Variants in PHEX observed in about 807,000 individuals in gnomAD.
PHEX encodes phosphate-regulating neutral endopeptidase PHEX.
PHEX carries 16 observed loss-of-function variants against 68.0 expected under a neutral mutation model. That is an observed-to-expected ratio of 0.24 (90% CI 0.16 to 0.36). PHEX has a LOEUF of 0.36. Among genes scored for constraint, PHEX ranks in the 10% least tolerant of loss-of-function variants. PHEX has a pLI of 1.00. For missense variants in PHEX, 480 were observed against 575.5 expected (o/e 0.83, Z 1.70); for synonymous variants, 208 against 205.1 (o/e 1.01, Z -0.12).
chrX:22,240,456 A>G (rs1287096582), intron 20 of PHEX, among the ~76,000 whole-genome samples: 1 of 112,246 alleles, frequency 8.9e-6, no homozygotes, highest in African/African-American at 3.2e-5. Flanking sequence ...TTGGATAAAG[A>G]GTCAAGACCC....
At chrX:22,052,774 G>T (rs1381396008) in intron 3 of PHEX, among the ~76,000 whole-genome samples, 2 of 109,379 alleles carry the variant, frequency 1.8e-5, no homozygotes, top group African/African-American at 6.7e-5. Flanking sequence ...ACAGAGTGGT[G>T]TAATAGACCT....
chrX:22,197,650 A>G (rs1934409206), intron 15 of PHEX, among the ~76,000 whole-genome samples: 1 of 111,338 alleles, frequency 9.0e-6, no homozygotes, highest in Non-Finnish European at 1.9e-5. Context: ...GAACCACCCA[A>G]ATAAGCTGTT....
intron 10 of PHEX, among the ~76,000 whole-genome samples, chrX:22,112,777 C>T (rs1009279744): frequency 9.1e-6 from 1 of 110,164 alleles, no homozygotes; most frequent in African/African-American, 3.3e-5. Flanking sequence ...GTGTCACGCA[C>T]CTGTGGTCCC....
At chrX:22,230,457 C>T (rs977041024) in intron 20 of PHEX, among the ~76,000 whole-genome samples, 3 of 84,632 alleles carry the variant, frequency 3.5e-5, no homozygotes, top group African/African-American at 1.5e-4. Context: ...TTTCCTTGAG[C>T]AGTGGTTTGT....
intron 12 of PHEX, among the ~76,000 whole-genome samples, chrX:22,145,140 A>G (rs1044087683): frequency 3.6e-5 from 4 of 111,986 alleles, no homozygotes; most frequent in African/African-American, 1.3e-4. Context: ...CCGTGTGTTC[A>G]GGTGTTGTCA....
chrX:22,223,717 A>G (rs1302043594), intron 18 of PHEX, among the ~76,000 whole-genome samples: 1 of 112,550 alleles, frequency 8.9e-6, no homozygotes, highest in Non-Finnish European at 1.9e-5. Context: ...GTGTGGGTGA[A>G]AGAGAGAGAC....
At chrX:22,113,047 G>GTT (rs1192195943) in intron 10 of PHEX, among the ~76,000 whole-genome samples, 14 of 90,299 alleles carry the variant, frequency 1.6e-4, no homozygotes, top group African/African-American at 9.1e-4. Context: ...GTGTGTGTGT[G>GTT]TGTGTGTTTG....
intron 2 of PHEX, among the ~76,000 whole-genome samples, chrX:22,041,265 C>CTCTCTCTATATATA (rs1468778300): frequency 8.2e-5 from 6 of 72,819 alleles, no homozygotes; most frequent in African/African-American, 1.3e-4. Context: ...CTCTCTCTCT[C>CTCTCTCTATATATA]TATATATATA....
intron 9 of PHEX, among the ~76,000 whole-genome samples, chrX:22,102,457 A>T (rs5951692): frequency 0.092 from 10,338 of 111,925 alleles, 1,241 homozygotes; most frequent in African/African-American, 0.32. Context: ...CCACATTTTT[A>T]AAAATCCATT....
At chrX:22,237,987 C>T (rs943014213) in intron 20 of PHEX, among the ~76,000 whole-genome samples, 3 of 112,457 alleles carry the variant, frequency 2.7e-5, no homozygotes, top group African/African-American at 9.7e-5. Context: ...AGTTTTTCAT[C>T]AAGAAGTTGG....
At chrX:22,237,721 T>C (rs750549293) in intron 20 of PHEX, among the ~76,000 whole-genome samples, 45 of 112,443 alleles carry the variant, frequency 4.0e-4, no homozygotes, top group Admixed American at 1.5e-3. Context: ...TTAGGCATCA[T>C]ATACTCCAGC....
rs759015845 is a variant in PHEX at position 22,111,498 on chromosome X, G to A, written c.1111G>A (p.Val371Ile). The change falls in exon 10 of 22, where the codon GTT becomes ATT. Residue 371 changes from valine (V) to isoleucine (I), a missense_variant. Physicochemically the swap from Val to Ile is conservative, Grantham distance 29 (BLOSUM62 3). Coordinates refer to ENST00000379374, the MANE Select transcript of PHEX (RefSeq NM_000444.6). ...TGCCAACTATTTGGTGTGGAGAATG[G>A]TTTATTCCAGAATTCCAAACCTTAG... Reference protein sequence around the residue: ...TIANYLVWRMVYSRIPNLSRR... With the variant: ...TIANYLVWRMIYSRIPNLSRR... 1.7e-6 allele frequency: 2 copies of A among 1,209,702 alleles called. No homozygotes were observed. Among genetic ancestry groups the A allele is most frequent in the Non-Finnish European group, 1.1e-6 (1 of 893,403 alleles).
intron 20 of PHEX, among the ~76,000 whole-genome samples, chrX:22,241,832 G>T (rs929471649): frequency 9.8e-5 from 11 of 111,871 alleles, no homozygotes; most frequent in African/African-American, 3.6e-4. Flanking sequence ...GTTCACAGCC[G>T]AATTCGACCA....
At chrX:22,096,857 T>G in intron 7 of PHEX, 98 bp from the exon 8 acceptor site, 1 of 672,522 alleles carries the variant, frequency 1.5e-6, no homozygotes, top group Non-Finnish European at 2.4e-6. Context: ...TTGAAAAACT[T>G]TATAATACTA....
chrX:22,217,324 T>C (rs763277996), intron 16 of PHEX, among the ~76,000 whole-genome samples: 1 of 112,246 alleles, frequency 8.9e-6, no homozygotes, highest in African/African-American at 3.2e-5. Context: ...AGGTTTGCAA[T>C]GATGGAAAAA....
In PHEX at chrX:22,048,613, A is replaced by G. The variant is rs975321748; in HGVS notation, c.349+1402A>G. On this transcript the variant is annotated intron_variant, in intron 3 of 21. Transcript: ENST00000379374. ...AAAGATTTCTATATTCAGGACATGA[A>G]GTGGTTAACGATAACTTAAATAACT... is the stretch of plus-strand genomic sequence containing the variant. 2.8e-4 allele frequency among the ~76,000 whole-genome samples: 31 copies of G among 112,025 alleles called. 1 individual carries two copies. The highest frequency in any genetic ancestry group is 9.5e-5 in the Admixed American group (1 of 10,510).
intron 20 of PHEX, among the ~76,000 whole-genome samples, chrX:22,234,407 G>A (rs1187487157): frequency 9.0e-6 from 1 of 111,443 alleles, no homozygotes; most frequent in Non-Finnish European, 1.9e-5. Context: ...TAGGGAGATG[G>A]GAGTTTTATC....
intron 14 of PHEX, among the ~76,000 whole-genome samples, chrX:22,182,704 A>G (rs904544452): frequency 7.3e-5 from 8 of 109,277 alleles, no homozygotes; most frequent in Non-Finnish European, 1.3e-4. Context: ...TTCATCCTCT[A>G]TGTTGGCCAT....
intron 12 of PHEX, among the ~76,000 whole-genome samples, chrX:22,167,237 C>T: frequency 1.8e-5 from 2 of 111,147 alleles, no homozygotes; most frequent in Middle Eastern, 4.7e-3. Context: ...TTCATAGTGA[C>T]TGTACCAAAT....
Sources: allele counts gnomAD v4.1 joint callset (sites outside exome capture counted in the v4.1 genomes callset), GRCh38; gene constraint gnomAD v4.1.1; transcripts MANE v1.5; gene names NCBI Gene and HGNC (gene_info 2026-07-23, HGNC 2026-07-21).